Variants in DOK6 observed in about 807,000 individuals in gnomAD.
DOK6 encodes downstream of tyrosine kinase 6.
Under a neutral mutation model 44.0 loss-of-function variants are expected in DOK6, and 22 were observed. The ratio of observed to expected loss-of-function variants is 0.50; its 90% confidence interval spans 0.36 to 0.71. The LOEUF is 0.71. DOK6 is among the 30% of genes least tolerant of loss of function. The pLI is 0.00. For missense variants in DOK6, 340 were observed against 416.4 expected (o/e 0.82, Z 1.60); for synonymous variants, 166 against 145.5 (o/e 1.14, Z -1.01).
At chr18:69,667,016 C>T (rs1174649302) in intron 3 of DOK6, among the ~76,000 whole-genome samples, 3 of 152,208 alleles carry the variant, frequency 2.0e-5, no homozygotes, top group Non-Finnish European at 4.4e-5. Flanking sequence ...CCATCCCAAC[C>T]TCCCTTTAGT....
chr18:69,544,822 A>G (rs1333047346), intron 1 of DOK6, among the ~76,000 whole-genome samples: 1 of 151,584 alleles, frequency 6.6e-6, no homozygotes, highest in Non-Finnish European at 1.5e-5. Context: ...AGGCAAAAAT[A>G]TTTTGATTTA....
chr18:69,642,867 A>C (rs1045604294), intron 3 of DOK6, among the ~76,000 whole-genome samples: 1 of 152,230 alleles, frequency 6.6e-6, no homozygotes, highest in Non-Finnish European at 1.5e-5. Context: ...TGTAATTAAT[A>C]TTTTGTTCCT....
chr18:69,469,696 G>C, intron 1 of DOK6: 1 of 269,870 alleles, frequency 3.7e-6, no homozygotes, highest in Non-Finnish European at 7.6e-6. Flanking sequence ...GCTGCTGTGG[G>C]GATGCCGTGA....
rs1978825240 is a variant in DOK6 at position 69,432,196 on chromosome 18, A to T, written c.66+30886A>T. On this transcript the variant is annotated intron_variant, in intron 1 of 7. Transcript: ENST00000382713. ...GGTGGCCCATGCCTGTATTCCCAGC[A>T]CTTTAAAAGACCAATGCATGAGGAT... 5.3e-5 allele frequency among the ~76,000 whole-genome samples: 8 copies of T among 152,338 alleles called. No individual in the cohort carries two copies. In the South Asian group the frequency reaches 1.7e-3, roughly 32 times the overall value.
chr18:69,405,737 G>A (rs1456405475), intron 1 of DOK6, among the ~76,000 whole-genome samples: 1 of 152,084 alleles, frequency 6.6e-6, no homozygotes, highest in Admixed American at 6.5e-5. Flanking sequence ...ATTATATCTT[G>A]CATGGCATGC....
At chr18:69,578,294 C>T (rs1983285032) in intron 2 of DOK6, among the ~76,000 whole-genome samples, 1 of 152,010 alleles carries the variant, frequency 6.6e-6, no homozygotes, top group African/African-American at 2.4e-5. Context: ...TTGTAAAATG[C>T]AAGTAATAAT....
chr18:69,669,754 T>C (rs1006489363), intron 3 of DOK6, among the ~76,000 whole-genome samples: 3 of 152,168 alleles, frequency 2.0e-5, no homozygotes, highest in Non-Finnish European at 2.9e-5. Flanking sequence ...TCTTTTCCAC[T>C]TCATGTTAAT....
intron 1 of DOK6, among the ~76,000 whole-genome samples, chr18:69,534,297 T>G: frequency 6.6e-6 from 1 of 152,116 alleles, no homozygotes; most frequent in Non-Finnish European, 1.5e-5. Flanking sequence ...ATACAGGAAT[T>G]TAGAGTTATG....
At chr18:69,412,102 A>G (rs1196217845) in intron 1 of DOK6, among the ~76,000 whole-genome samples, 1 of 152,164 alleles carries the variant, frequency 6.6e-6, no homozygotes, top group Non-Finnish European at 1.5e-5. Context: ...GCCTTCGAAT[A>G]TATATACTTT....
At chr18:69,553,820 T>C (rs1982623221) in intron 1 of DOK6, among the ~76,000 whole-genome samples, 1 of 152,218 alleles carries the variant, frequency 6.6e-6, no homozygotes, top group Non-Finnish European at 1.5e-5. Flanking sequence ...CTTGAGCACC[T>C]TAGATGTCAG....
chr18:69,443,868 A>G (rs952023641), intron 1 of DOK6, among the ~76,000 whole-genome samples: 1 of 152,114 alleles, frequency 6.6e-6, no homozygotes, highest in African/African-American at 2.4e-5. Flanking sequence ...CCTCACGTTC[A>G]GAGTGGAGGT....
intron 7 of DOK6, among the ~76,000 whole-genome samples, chr18:69,803,234 T>C (rs952008339): frequency 4.6e-5 from 7 of 152,288 alleles, no homozygotes; most frequent in African/African-American, 1.4e-4. Context: ...TTTCTAAACG[T>C]AAATCTGGTA....
intron 7 of DOK6, among the ~76,000 whole-genome samples, chr18:69,759,612 T>C (rs1408026450): frequency 6.6e-6 from 1 of 152,218 alleles, no homozygotes; most frequent in Non-Finnish European, 1.5e-5. Context: ...AGATTTAGAC[T>C]GATACACAAT....
At chr18:69,517,731 T>G (rs1228008450) in intron 1 of DOK6, among the ~76,000 whole-genome samples, 1 of 107,378 alleles carries the variant, frequency 9.3e-6, no homozygotes, top group Admixed American at 8.8e-5. Context: ...ACAGCTTGGT[T>G]TTTTTTTTTT....
chr18:69,662,294 T>A (rs550714171), intron 3 of DOK6: 13 of 152,560 alleles, frequency 8.5e-5, no homozygotes, highest in African/African-American at 2.6e-4. Context: ...GGAGCTACTC[T>A]TTATAGTCTT....
rs773489434 is a variant in DOK6 at position 69,627,733 on chromosome 18, A to AG, written c.289+28235_289+28236insG. ...CAAAGTGCTGGGATTTACAGGCGTG[A>AG]CCACCATGCCTGGCCTCACCTTCCT... On this transcript the variant is annotated intron_variant, in intron 3 of 7. Transcript: ENST00000382713. Among the ~76,000 whole-genome samples the AG allele has an allele frequency of 1.6e-4, 24 of 152,242 alleles. 1 individual carries two copies. Among genetic ancestry groups the AG allele is most frequent in the Middle Eastern group, 3.4e-3 (1 of 294 alleles).
chr18:69,609,635 A>G (rs926313237), intron 3 of DOK6, among the ~76,000 whole-genome samples: 1 of 151,880 alleles, frequency 6.6e-6, no homozygotes, highest in Non-Finnish European at 1.5e-5. Flanking sequence ...AAACATTAAA[A>G]GGAGAATTAC....
chr18:69,424,309 G>A (rs1448590604), intron 1 of DOK6, among the ~76,000 whole-genome samples: 2 of 152,150 alleles, frequency 1.3e-5, no homozygotes, highest in African/African-American at 4.8e-5. Flanking sequence ...CCATGACAGT[G>A]TGAGACTTTT....
intron 7 of DOK6, among the ~76,000 whole-genome samples, chr18:69,804,927 C>A (rs1398025498): frequency 6.6e-6 from 1 of 151,974 alleles, no homozygotes; most frequent in Admixed American, 6.6e-5. Flanking sequence ...GAGTATATGC[C>A]CTGTTGGATA....
Sources: gnomAD v4.1 joint callset for allele counts (sites outside exome capture counted in the v4.1 genomes callset) on GRCh38, gnomAD v4.1.1 for gene constraint, MANE v1.5 for transcripts, NCBI Gene and HGNC (gene_info 2026-07-23, HGNC 2026-07-21) for gene names.